KLHL1: variants seen among roughly 807,000 people sequenced by gnomAD.
The protein encoded by KLHL1 is kelch like family member 1, also known as kelch-like protein 1.
In KLHL1, 47 loss-of-function variants were observed where a neutral mutation model predicts 77.7. That is an observed-to-expected ratio of 0.60 (90% CI 0.48 to 0.77). KLHL1 has a LOEUF of 0.77. KLHL1 is among the 30% of genes least tolerant of loss of function. The pLI, the probability that KLHL1 is intolerant of heterozygous loss-of-function variation, is 0.00. For missense variants in KLHL1, 925 were observed against 910.8 expected, an observed-to-expected ratio of 1.02 and a Z score of -0.20; for synonymous variants, 360 against 325.2, an observed-to-expected ratio of 1.11 and a Z score of -1.15.
intron 5 of KLHL1, among the ~76,000 whole-genome samples, chr13:69,855,868 TATATTATA>T (rs1879894956): frequency 6.9e-6 from 1 of 144,576 alleles, no homozygotes; most frequent in Admixed American, 7.0e-5. Flanking sequence ...TAATATATTA[TATATTATA>T]TATGTTATAT....
intron 1 of KLHL1, among the ~76,000 whole-genome samples, chr13:69,994,713 G>A (rs1023000962): frequency 6.6e-6 from 1 of 152,100 alleles, no homozygotes; most frequent in African/African-American, 2.4e-5. Flanking sequence ...GAATCCAGAG[G>A]AGTGGATCTA....
intron 1 of KLHL1, among the ~76,000 whole-genome samples, chr13:70,060,917 T>C (rs901095929): frequency 5.9e-5 from 9 of 152,136 alleles, no homozygotes; most frequent in Non-Finnish European, 1.0e-4. Context: ...AACAAGATCC[T>C]GTCATTTGTT....
At chr13:69,758,265 T>G (rs1874859146) in intron 7 of KLHL1, among the ~76,000 whole-genome samples, 1 of 152,090 alleles carries the variant, frequency 6.6e-6, no homozygotes, top group Admixed American at 6.6e-5. Context: ...TATTAGTGTA[T>G]TATCAATACA....
intron 1 of KLHL1, among the ~76,000 whole-genome samples, chr13:69,995,620 GA>G (rs1885132378): frequency 6.6e-6 from 1 of 152,100 alleles, no homozygotes. Context: ...ATTGGAAAAT[GA>G]AAAATACCAA....
chr13:69,943,612 AC>A (rs1313078443), intron 3 of KLHL1, among the ~76,000 whole-genome samples: 1 of 152,182 alleles, frequency 6.6e-6, no homozygotes, highest in African/African-American at 2.4e-5. Flanking sequence ...TCTATAGGTT[AC>A]AGAAACCTAT....
intron 8 of KLHL1, among the ~76,000 whole-genome samples, chr13:69,722,734 C>A (rs1406778327): frequency 6.6e-6 from 1 of 151,822 alleles, no homozygotes; most frequent in African/African-American, 2.4e-5. Context: ...TACGAAAAAC[C>A]ATTACGAAAA....
At chr13:69,967,651 G>A (rs1029829847) in intron 2 of KLHL1, among the ~76,000 whole-genome samples, 2 of 152,122 alleles carry the variant, frequency 1.3e-5, no homozygotes, top group African/African-American at 4.8e-5. Context: ...TTTTTGGGAG[G>A]TGGCTGGTGG....
At chr13:69,725,299 C>T (rs75986959) in intron 8 of KLHL1, among the ~76,000 whole-genome samples, 1,993 of 152,232 alleles carry the variant, frequency 0.013, 40 homozygotes, top group African/African-American at 0.046. Flanking sequence ...TGTCTGTTAA[C>T]CCTCATGTCT....
intron 5 of KLHL1, among the ~76,000 whole-genome samples, chr13:69,877,850 T>C (rs1880825474): frequency 6.6e-6 from 1 of 152,170 alleles, no homozygotes; most frequent in African/African-American, 2.4e-5. Flanking sequence ...TTATATTTTC[T>C]ACACCAAATT....
chr13:69,872,160 G>C (rs972154036), intron 5 of KLHL1, among the ~76,000 whole-genome samples: 8 of 152,172 alleles, frequency 5.3e-5, no homozygotes, highest in African/African-American at 1.9e-4. Flanking sequence ...GAGAGCCTCT[G>C]TCTGCTTCCA....
chr13:69,914,871 C>T (rs1485217267), intron 4 of KLHL1, among the ~76,000 whole-genome samples: 14 of 152,042 alleles, frequency 9.2e-5, no homozygotes, highest in Non-Finnish European at 4.4e-5. Context: ...AAGATGTAAA[C>T]AAATGTTCTA....
intron 1 of KLHL1, among the ~76,000 whole-genome samples, chr13:70,004,311 T>A (rs1018560950): frequency 6.6e-6 from 1 of 151,780 alleles, no homozygotes. Flanking sequence ...CCATGACACA[T>A]GACAACAAGA....
rs989745890 is a variant in KLHL1, at chr13:69,701,517, A to C, written c.*185T>G. On this transcript the variant is annotated 3_prime_UTR_variant, in exon 11 of 11. Coordinates refer to ENST00000377844, the MANE Select transcript of KLHL1 (RefSeq NM_020866.3). ...TATGGCCAGACATTTTTCCTGTATA[A>C]GTTTAATGTTTTCTTGTTTCCTACT... is the stretch of plus-strand genomic sequence containing the variant. The C allele has an allele frequency of 7.5e-6, 4 of 531,160 alleles. No individual in the cohort carries two copies. The highest frequency in any genetic ancestry group is 6.0e-5 in the African/African-American group (3 of 49,942). 32.9% of individuals were successfully genotyped at this position (531,160 alleles called of 1,614,324 possible). A position where few individuals can be genotyped will look rare whatever the true frequency, so the allele number is the denominator to read the frequency against.
intron 1 of KLHL1, among the ~76,000 whole-genome samples, chr13:70,056,997 C>CA (rs34192638): frequency 2.9e-4 from 44 of 150,606 alleles, no homozygotes; most frequent in Non-Finnish European, 4.3e-4. Context: ...ACAAAAATAT[C>CA]AAAAAAAAAA....
At chr13:69,886,276 A>C (rs1354183672) in intron 4 of KLHL1, among the ~76,000 whole-genome samples, 1 of 152,086 alleles carries the variant, frequency 6.6e-6, no homozygotes, top group Non-Finnish European at 1.5e-5. Context: ...ATAAAGACTA[A>C]ACTACTATTT....
chr13:69,980,711 G>A (rs1434496336), intron 1 of KLHL1, among the ~76,000 whole-genome samples: 1 of 151,974 alleles, frequency 6.6e-6, no homozygotes, highest in Non-Finnish European at 1.5e-5. Flanking sequence ...TCAGGGGATA[G>A]ATGTGCATTT....
intron 5 of KLHL1, among the ~76,000 whole-genome samples, chr13:69,864,199 G>C (rs1256869453): frequency 6.6e-6 from 1 of 151,796 alleles, no homozygotes; most frequent in East Asian, 1.9e-4. Flanking sequence ...AACTGGCATG[G>C]TCATAAAAAA....
At chr13:70,101,436 AT>A (rs954095981) in intron 1 of KLHL1, among the ~76,000 whole-genome samples, 8 of 150,930 alleles carry the variant, frequency 5.3e-5, no homozygotes, top group East Asian at 1.9e-4. Flanking sequence ...TATATATATA[AT>A]TTTTTTTTAA....
At chr13:70,011,543 T>G (rs1201744749) in intron 1 of KLHL1, among the ~76,000 whole-genome samples, 1 of 152,170 alleles carries the variant, frequency 6.6e-6, no homozygotes, top group East Asian at 1.9e-4. Context: ...ATTAGAAGTT[T>G]GATTTTCTCT....
Sources: gnomAD v4.1 joint callset for allele counts (sites outside exome capture counted in the v4.1 genomes callset) on GRCh38, gnomAD v4.1.1 for gene constraint, MANE v1.5 for transcripts, NCBI Gene and HGNC (gene_info 2026-07-23, HGNC 2026-07-21) for gene names.